Variants in CNTNAP2 observed in about 807,000 individuals in gnomAD.
CNTNAP2 encodes contactin-associated protein-like 2.
In CNTNAP2, 98 loss-of-function variants were observed where a neutral mutation model predicts 155.2. That is an observed-to-expected ratio of 0.63 (90% CI 0.54 to 0.75). The LOEUF (loss-of-function observed/expected upper bound fraction) is 0.75, where lower values mean the gene tolerates loss of function less well. CNTNAP2 is among the 30% of genes least tolerant of loss of function. The probability of loss-of-function intolerance (pLI) is 0.00; values close to 1 mark genes in which losing one functional copy is unlikely to be tolerated. For missense variants in CNTNAP2, 1,727 were observed against 1,688.1 expected (o/e 1.02, Z -0.40); for synonymous variants, 651 against 631.2 (o/e 1.03, Z -0.47).
At chr7:147,238,216 C>G (rs999372720) in intron 8 of CNTNAP2, among the ~76,000 whole-genome samples, 1 of 152,122 alleles carries the variant, frequency 6.6e-6, no homozygotes, top group Non-Finnish European at 1.5e-5. Context: ...GGGGTTTCAC[C>G]GTGTTGGCCA....
chr7:148,152,789 GAT>G, intron 17 of CNTNAP2, among the ~76,000 whole-genome samples: 1 of 152,218 alleles, frequency 6.6e-6, no homozygotes, highest in Non-Finnish European at 1.5e-5. Context: ...GGGAGGCCGA[GAT>G]GGGGGGATCA....
At chr7:147,500,511 C>T (rs144809044) in intron 11 of CNTNAP2, among the ~76,000 whole-genome samples, 96 of 152,220 alleles carry the variant, frequency 6.3e-4, no homozygotes, top group African/African-American at 2.0e-3. Context: ...TTAATGCCAC[C>T]GACCAGGTGC....
chr7:146,249,901 GAA>G (rs138160959), intron 1 of CNTNAP2, among the ~76,000 whole-genome samples: 144 of 151,792 alleles, frequency 9.5e-4, no homozygotes, highest in African/African-American at 3.4e-3. Flanking sequence ...AAGAAAAAAA[GAA>G]ATTTAAATTT....
intron 1 of CNTNAP2, among the ~76,000 whole-genome samples, chr7:146,331,173 G>T (rs542177323): frequency 4.6e-5 from 7 of 151,650 alleles, no homozygotes; most frequent in Non-Finnish European, 1.0e-4. Context: ...GCGTGGTAGC[G>T]AGCGCCTGTA....
Position 147,894,558 on chromosome 7 carries a change from G to T in CNTNAP2, c.2099-9007G>T, listed in dbSNP as rs558686004. Among the ~76,000 whole-genome samples, 3 of 152,260 alleles carry T rather than the reference G, an allele frequency of 2.0e-5. No homozygotes were observed. The East Asian group carries it at 5.8e-4, about 29-fold the overall frequency. ...AAGAGCCCCCAGGGACTCTTTAACAGAATTTGTAGATAAGGTTGTAATTGT... is the reference window on the plus strand; with the variant it reads ...AAGAGCCCCCAGGGACTCTTTAACATAATTTGTAGATAAGGTTGTAATTGT... On this transcript the variant is annotated intron_variant, in intron 13 of 23. Coordinates refer to ENST00000361727, the MANE Select transcript of CNTNAP2 (RefSeq NM_014141.6).
At chr7:147,645,035 T>C (rs1387378783) in intron 13 of CNTNAP2, among the ~76,000 whole-genome samples, 2 of 152,198 alleles carry the variant, frequency 1.3e-5, no homozygotes, top group African/African-American at 4.8e-5. Flanking sequence ...TTTTTACTGC[T>C]TCTTTTGTTG....
rs146203758 is a variant in CNTNAP2 at position 146,485,571 on chromosome 7, T to C, written c.98-288700T>C. 2.3e-3 allele frequency among the ~76,000 whole-genome samples: 356 copies of C among 152,306 alleles called. 1 individual carries two copies. The highest frequency in any genetic ancestry group is 8.1e-3 in the African/African-American group (338 of 41,568). On this transcript the variant is annotated intron_variant, in intron 1 of 23. Coordinates refer to ENST00000361727, the MANE Select transcript of CNTNAP2 (RefSeq NM_014141.6). ...CTGTCATGATGGAATGCTTACTTTT[T>C]TGAAAGATGCAATTCCCAGATAACT...
In CNTNAP2 at chr7:147,162,510, A is replaced by T. The variant is rs186073081; in HGVS notation, c.1348+30001A>T. Among the ~76,000 whole-genome samples, 556 of 152,292 alleles carry T rather than the reference A, an allele frequency of 3.7e-3. 4 individuals carry two copies. Among genetic ancestry groups the T allele is most frequent in the African/African-American group, 0.013 (538 of 41,556 alleles). On this transcript the variant is annotated intron_variant, in intron 8 of 23. Coordinates refer to ENST00000361727, the MANE Select transcript of CNTNAP2 (RefSeq NM_014141.6). ...AGACAGGTATTAACTTAGAAATTGA[A>T]AATGTCTTCTGTGGATCTAATTATG...
At chr7:146,654,442 G>A (rs1799963407) in intron 1 of CNTNAP2, among the ~76,000 whole-genome samples, 1 of 152,128 alleles carries the variant, frequency 6.6e-6, no homozygotes, top group East Asian at 1.9e-4. Flanking sequence ...TGAAAGACAA[G>A]TAGACTAATA....
At chr7:146,388,378 C>T (rs759920166) in intron 1 of CNTNAP2, among the ~76,000 whole-genome samples, 5 of 151,806 alleles carry the variant, frequency 3.3e-5, no homozygotes, top group Non-Finnish European at 4.4e-5. Flanking sequence ...GAGGCTGCAG[C>T]GAGCCATGAC....
chr7:146,462,013 T>C (rs1316080285), intron 1 of CNTNAP2, among the ~76,000 whole-genome samples: 1 of 152,236 alleles, frequency 6.6e-6, no homozygotes, highest in African/African-American at 2.4e-5. Context: ...ACTTTAAATA[T>C]TCTAAATTTT....
intron 8 of CNTNAP2, among the ~76,000 whole-genome samples, chr7:147,208,964 A>G (rs10229762): frequency 0.14 from 20,979 of 151,912 alleles, 1,712 homozygotes; most frequent in African/African-American, 0.23. Flanking sequence ...ATGATTACTA[A>G]ATTGAAAAGT....
intron 8 of CNTNAP2, among the ~76,000 whole-genome samples, chr7:147,181,083 G>C (rs1211223379): frequency 6.6e-6 from 1 of 152,172 alleles, no homozygotes; most frequent in African/African-American, 2.4e-5. Flanking sequence ...AATAGTATAT[G>C]CATGGGACAA....
At chr7:147,228,518 G>A (rs182422672) in intron 8 of CNTNAP2, among the ~76,000 whole-genome samples, 19 of 152,232 alleles carry the variant, frequency 1.2e-4, no homozygotes, top group Admixed American at 1.2e-3. Flanking sequence ...ATGACTCACT[G>A]GTTAGATGTA....
intron 15 of CNTNAP2, among the ~76,000 whole-genome samples, chr7:148,016,663 T>C (rs143306353): frequency 3.3e-5 from 5 of 152,284 alleles, no homozygotes; most frequent in African/African-American, 1.2e-4. Context: ...ACAGAGAAGT[T>C]TAAAGAAGGA....
chr7:148,279,072 C>G (rs1159804375), intron 21 of CNTNAP2, among the ~76,000 whole-genome samples: 3 of 152,160 alleles, frequency 2.0e-5, no homozygotes, highest in Admixed American at 2.0e-4. Context: ...CAGCCAATTG[C>G]ACAGATGGAG....
At chr7:146,463,414 G>A (rs73462763) in intron 1 of CNTNAP2, among the ~76,000 whole-genome samples, 4,166 of 151,912 alleles carry the variant, frequency 0.027, 140 homozygotes, top group African/African-American at 0.074. Flanking sequence ...CTACTCTTCA[G>A]TATAAATGAA....
At chr7:146,563,128 T>C (rs1474598285) in intron 1 of CNTNAP2, among the ~76,000 whole-genome samples, 1 of 152,220 alleles carries the variant, frequency 6.6e-6, no homozygotes, top group Non-Finnish European at 1.5e-5. Flanking sequence ...TGATTAACTT[T>C]GCAGTTAAGT....
intron 10 of CNTNAP2, among the ~76,000 whole-genome samples, chr7:147,456,738 G>A (rs534572751): frequency 6.6e-6 from 1 of 152,234 alleles, no homozygotes; most frequent in South Asian, 2.1e-4. Context: ...ATACAATCAG[G>A]ATGCGATGAG....
Sources: allele counts gnomAD v4.1 joint callset (sites outside exome capture counted in the v4.1 genomes callset), GRCh38; gene constraint gnomAD v4.1.1; transcripts MANE v1.5; gene names NCBI Gene and HGNC (gene_info 2026-07-23, HGNC 2026-07-21).